Variants in WASF2 observed in about 807,000 individuals in gnomAD.
The protein encoded by WASF2 is WASP family member 2.
Under a neutral mutation model 45.0 loss-of-function variants are expected in WASF2, and 14 were observed. The observed-to-expected ratio is 0.31, with a 90% CI of 0.21 to 0.49. The LOEUF (loss-of-function observed/expected upper bound fraction) is 0.49, where lower values mean the gene tolerates loss of function less well. WASF2 is among the 20% of genes least tolerant of loss of function. The pLI, the probability that WASF2 is intolerant of heterozygous loss-of-function variation, is 0.99. For missense variants in WASF2, 439 were observed against 636.1 expected, an observed-to-expected ratio of 0.69 and a Z score of 3.33; for synonymous variants, 200 against 236.3, an observed-to-expected ratio of 0.85 and a Z score of 1.41.
chr1:27,418,948 TC>T lies in WASF2; in HGVS notation c.265+5del. ...AGCCTGCAAATGCTGAGCTCAGCTTTCTTACCTTCTTCTTCCTTGGGATCCA... is the reference window on the plus strand; with the variant it reads ...AGCCTGCAAATGCTGAGCTCAGCTTTTTACCTTCTTCTTCCTTGGGATCCA... On this transcript the variant is annotated splice_donor_5th_base_variant and intron_variant, in intron 3 of 8. Transcript: ENST00000618852. The T allele has an allele frequency of 6.2e-7, 1 of 1,613,492 alleles. No homozygotes were observed. Among genetic ancestry groups the T allele is most frequent in the Non-Finnish European group, 8.5e-7 (1 of 1,179,550 alleles).
intron 1 of WASF2, among the ~76,000 whole-genome samples, chr1:27,449,476 G>A (rs2017353671): frequency 6.6e-6 from 1 of 151,590 alleles, no homozygotes; most frequent in South Asian, 2.1e-4. Flanking sequence ...GCGCATGCCT[G>A]TAGTTCCAGC....
chr1:27,441,857 C>T (rs1246981830), intron 1 of WASF2, among the ~76,000 whole-genome samples: 70 of 144,984 alleles, frequency 4.8e-4, no homozygotes, highest in Non-Finnish European at 9.1e-4. Context: ...ATCTGGGAGG[C>T]GGAGGTTGCA....
intron 4 of WASF2, among the ~76,000 whole-genome samples, chr1:27,417,817 G>C (rs2016847079): frequency 6.6e-6 from 1 of 152,212 alleles, no homozygotes; most frequent in Admixed American, 6.5e-5. Flanking sequence ...AGAGCAGCCA[G>C]GCCAAGAGGC....
intron 8 of WASF2, among the ~76,000 whole-genome samples, chr1:27,409,381 A>C (rs1208503075): frequency 2.2e-5 from 3 of 137,422 alleles, no homozygotes; most frequent in South Asian, 2.4e-4. Context: ...GCCGAGATCG[A>C]GCCACTGCAC....
chr1:27,462,546 T>G (rs2017560462), intron 1 of WASF2, among the ~76,000 whole-genome samples: 1 of 152,112 alleles, frequency 6.6e-6, no homozygotes, highest in South Asian at 2.1e-4. Context: ...GCTCAAGCGA[T>G]CCTCCCATCT....
chr1:27,489,449 TACGTACACAC>T (rs1376620811), intron 1 of WASF2, among the ~76,000 whole-genome samples: 1 of 60,334 alleles, frequency 1.7e-5, no homozygotes, highest in African/African-American at 9.5e-5. Flanking sequence ...TACTTCATGG[TACGTACACAC>T]ACACACACAC....
At chr1:27,409,669 C>T in intron 8 of WASF2, 23 bp downstream of exon 8, 5 of 1,487,826 alleles carry the variant, frequency 3.4e-6, no homozygotes, top group Non-Finnish European at 4.5e-6. Flanking sequence ...CTCCACAGTC[C>T]CAAACCCACC....
chr1:27,487,696 A>T (rs1397626878), intron 1 of WASF2, among the ~76,000 whole-genome samples: 2 of 114,146 alleles, frequency 1.8e-5, no homozygotes, highest in African/African-American at 6.9e-5. Flanking sequence ...TATAATATAT[A>T]TTTTATACAA....
At chr1:27,425,020 A>G (rs1212416967) in intron 2 of WASF2, among the ~76,000 whole-genome samples, 1 of 152,232 alleles carries the variant, frequency 6.6e-6, no homozygotes, top group Non-Finnish European at 1.5e-5. Flanking sequence ...CTGTATGGAC[A>G]TATGAGAGAG....
chr1:27,477,390 A>T (rs1439923251), intron 1 of WASF2, among the ~76,000 whole-genome samples: 2 of 152,112 alleles, frequency 1.3e-5, no homozygotes, highest in East Asian at 1.9e-4. Flanking sequence ...AAATACAAAA[A>T]TTAGCTGGGC....
intron 5 of WASF2, 115 bp downstream of exon 5, chr1:27,415,870 G>A: frequency 1.2e-6 from 1 of 810,580 alleles, no homozygotes; most frequent in Non-Finnish European, 2.0e-6. Flanking sequence ...GTTTCACCTG[G>A]CATCCAAGCA....
intron 1 of WASF2, among the ~76,000 whole-genome samples, chr1:27,484,157 AT>A (rs1216996550): frequency 6.6e-6 from 1 of 152,146 alleles, no homozygotes; most frequent in African/African-American, 2.4e-5. Context: ...AAAGGACAAA[AT>A]TCCACAAATC....
At chr1:27,432,410 A>G (rs2017077214) in intron 1 of WASF2, among the ~76,000 whole-genome samples, 2 of 152,054 alleles carry the variant, frequency 1.3e-5, no homozygotes, top group African/African-American at 4.8e-5. Flanking sequence ...GCACTTTGGG[A>G]GGCCGAGGCG....
intron 1 of WASF2, among the ~76,000 whole-genome samples, chr1:27,488,343 C>T (rs1273726220): frequency 6.6e-6 from 1 of 152,108 alleles, no homozygotes; most frequent in African/African-American, 2.4e-5. Context: ...AAACAGGTTG[C>T]ACAAAGAAAG....
intron 2 of WASF2, among the ~76,000 whole-genome samples, chr1:27,426,072 T>C (rs17162602): frequency 0.032 from 4,863 of 151,526 alleles, 252 homozygotes; most frequent in African/African-American, 0.11. Flanking sequence ...CTGTAGAAAA[T>C]GAGGCTAGAA....
chr1:27,481,571 C>T (rs1299619743), intron 1 of WASF2, among the ~76,000 whole-genome samples: 2 of 151,462 alleles, frequency 1.3e-5, no homozygotes, highest in African/African-American at 4.9e-5. Flanking sequence ...TGGGGGTGGG[C>T]GCCTGTAATC....
At chr1:27,444,125 C>T (rs758286519) in intron 1 of WASF2, among the ~76,000 whole-genome samples, 13 of 152,186 alleles carry the variant, frequency 8.5e-5, no homozygotes, top group South Asian at 2.1e-4. Context: ...CAGTCACTCA[C>T]GCTGCAGTGC....
chr1:27,474,592 AAACCCCGC>A (rs1421002512), intron 1 of WASF2, among the ~76,000 whole-genome samples: 1 of 151,768 alleles, frequency 6.6e-6, no homozygotes, highest in Non-Finnish European at 1.5e-5. Flanking sequence ...CAACATGATG[AAACCCCGC>A]CTCTACTAAA....
At chr1:27,432,086 A>C (rs1433185749) in intron 1 of WASF2, among the ~76,000 whole-genome samples, 1 of 152,224 alleles carries the variant, frequency 6.6e-6, no homozygotes, top group African/African-American at 2.4e-5. Context: ...GCATGGAGTT[A>C]TGCATGATCT....
Sources: allele counts gnomAD v4.1 joint callset (sites outside exome capture counted in the v4.1 genomes callset), GRCh38; gene constraint gnomAD v4.1.1; transcripts MANE v1.5; gene names NCBI Gene and HGNC (gene_info 2026-07-23, HGNC 2026-07-21).